EFCAB8: variants seen among roughly 807,000 people sequenced by gnomAD.
EFCAB8 encodes the protein EF-hand calcium-binding domain-containing protein 8.
Under a neutral mutation model 116.3 loss-of-function variants are expected in EFCAB8, and 100 were observed. The observed-to-expected ratio is 0.86, with a 90% CI of 0.73 to 1.02. EFCAB8 has a LOEUF of 1.02. EFCAB8 is among the 50% of genes least tolerant of loss of function. EFCAB8 has a pLI of 0.00. For synonymous variants in EFCAB8, 558 were observed against 567.9 expected (o/e 0.98, Z 0.25); for missense variants, 1,320 against 1,416.9 (o/e 0.93, Z 1.10).
chr20:32,917,284 T>C lies in EFCAB8; in HGVS notation c.1857-17T>C, dbSNP rs1376899969. On this transcript the variant is annotated splice_polypyrimidine_tract_variant and intron_variant, in intron 17 of 26. Transcript: ENST00000400522. ...AGGCTGAGCTCTCAGCCCTCCTGCC[T>C]CTGGCCATATGCACAGGTTCCACAA... 6.5e-7 allele frequency: 1 copy of C among 1,542,000 alleles called. No individual in the cohort carries two copies. Among genetic ancestry groups the C allele is most frequent in the South Asian group, 1.2e-5 (1 of 83,684 alleles).
chr20:32,904,603 C>CTTTT (rs35810642), intron 11 of EFCAB8, among the ~76,000 whole-genome samples: 1 of 96,334 alleles, frequency 1.0e-5, no homozygotes, highest in Non-Finnish European at 2.1e-5. Context: ...CTGAATGGAG[C>CTTTT]TTTTTTTTTT....
chr20:32,875,502 G>GTTTTTTTTTTTTTTTT lies in EFCAB8; in HGVS notation c.209-421_209-406dup, dbSNP rs57620114. Among the ~76,000 whole-genome samples, 64 of 89,862 alleles carry GTTTTTTTTTTTTTTTT rather than the reference G, an allele frequency of 7.1e-4. 6 individuals carry two copies. The highest frequency in any genetic ancestry group is 4.7e-4 in the Non-Finnish European group (18 of 38,706). The allele number at this position is 89,862 out of a possible 152,430, so 59.0% of individuals were successfully genotyped here. A position where few individuals can be genotyped will look rare whatever the true frequency, so the allele number is the denominator to read the frequency against. Reference sequence around the variant, plus strand: ...CTGAGCACACCTGGTAAACATGGTGGTTTTTTTTTTTTTTTTTTGAGACAG... The same window carrying GTTTTTTTTTTTTTTTT: ...CTGAGCACACCTGGTAAACATGGTGGTTTTTTTTTTTTTTTTTTTTTTTTTTTTTTTTTTGAGACAG... On this transcript the variant is annotated intron_variant, in intron 3 of 26. Transcript: ENST00000400522.
chr20:32,870,928 G>A (rs187517464), intron 3 of EFCAB8, among the ~76,000 whole-genome samples: 34 of 150,382 alleles, frequency 2.3e-4, no homozygotes, highest in Admixed American at 6.0e-4. Context: ...GTGCGATCTC[G>A]GCTCACTGCA....
At chr20:32,909,119 C>T (rs900549148) in intron 14 of EFCAB8, among the ~76,000 whole-genome samples, 9 of 152,210 alleles carry the variant, frequency 5.9e-5, no homozygotes, top group African/African-American at 2.2e-4. Flanking sequence ...CCACCAAGGC[C>T]TCCCACGCTC....
chr20:32,883,822 C>G (rs1014402920), intron 5 of EFCAB8, among the ~76,000 whole-genome samples: 6 of 152,108 alleles, frequency 3.9e-5, no homozygotes, highest in African/African-American at 1.4e-4. Flanking sequence ...TCCTGAGTAG[C>G]TGGGACTACA....
rs919642770 is a variant in EFCAB8, at chr20:32,961,593, C to T, written c.3851C>T (p.Ser1284Phe). The T allele has an allele frequency of 7.4e-7, 1 of 1,344,344 alleles. No homozygotes were observed. The allele number at this position is 1,344,344 out of a possible 1,614,324, so 83.3% of individuals were successfully genotyped here. Residue 1284 changes from serine to phenylalanine, a missense_variant, in exon 27 of 27, where the codon TCC becomes TTC. Ser to Phe is a radical substitution (Grantham distance 155). Transcript: ENST00000400522. ...ATFMSSVKGS[S>F]HVRF is the part of the protein sequence containing the mutation. Reference sequence around the variant, plus strand: ...TTCATGTCCTCTGTGAAGGGGAGCTCCCATGTCAGGTTCTGAGGTGCTCCG... The same window carrying T: ...TTCATGTCCTCTGTGAAGGGGAGCTTCCATGTCAGGTTCTGAGGTGCTCCG...
intron 18 of EFCAB8, 24 bp downstream of exon 18, chr20:32,917,529 C>A (rs1282176874): frequency 6.5e-7 from 1 of 1,548,396 alleles, no homozygotes; most frequent in South Asian, 1.2e-5. Context: ...AGCACACTCT[C>A]CTCCCACCCT....
At chr20:32,947,175 A>G (rs7271442) in intron 23 of EFCAB8, among the ~76,000 whole-genome samples, 38,966 of 152,122 alleles carry the variant, frequency 0.26, 5,373 homozygotes, top group Middle Eastern at 0.36. Flanking sequence ...TTTATGAAAA[A>G]TGACCAAACT....
At chr20:32,940,677 G>A (rs555716692) in intron 22 of EFCAB8, among the ~76,000 whole-genome samples, 15 of 149,976 alleles carry the variant, frequency 1.0e-4, no homozygotes, top group Admixed American at 9.3e-4. Flanking sequence ...TATCTGATAA[G>A]GGACTAGTAT....
At chr20:32,920,564 T>A (rs1453568902) in intron 20 of EFCAB8, among the ~76,000 whole-genome samples, 1 of 151,614 alleles carries the variant, frequency 6.6e-6, no homozygotes, top group Non-Finnish European at 1.5e-5. Flanking sequence ...CAAGAGAAAA[T>A]GAGAAGCAGC....
intron 7 of EFCAB8, among the ~76,000 whole-genome samples, chr20:32,890,947 G>A (rs1985880448): frequency 2.0e-5 from 3 of 152,224 alleles, no homozygotes; most frequent in African/African-American, 7.2e-5. Flanking sequence ...GCTAAATTGT[G>A]TGATACAGAG....
At chr20:32,943,382 G>C (rs1252404957) in intron 22 of EFCAB8, among the ~76,000 whole-genome samples, 6 of 152,238 alleles carry the variant, frequency 3.9e-5, no homozygotes, top group Non-Finnish European at 8.8e-5. Context: ...TATGTAGTCA[G>C]CTTGGTGAAT....
At chr20:32,949,100 GAGTT>G (rs1475865622) in intron 23 of EFCAB8, among the ~76,000 whole-genome samples, 1 of 152,134 alleles carries the variant, frequency 6.6e-6, no homozygotes, top group African/African-American at 2.4e-5. Flanking sequence ...TTACTAAAAA[GAGTT>G]AGTAAGGAGT....
intron 2 of EFCAB8, among the ~76,000 whole-genome samples, chr20:32,867,210 A>C (rs1905105286): frequency 6.6e-6 from 1 of 152,198 alleles, no homozygotes; most frequent in Non-Finnish European, 1.5e-5. Flanking sequence ...ATGAGCCACC[A>C]TGCCCAGCCC....
intron 5 of EFCAB8, among the ~76,000 whole-genome samples, 190 bp from the exon 6 acceptor site, chr20:32,885,315 T>G (rs1481004868): frequency 6.6e-6 from 1 of 152,196 alleles, no homozygotes; most frequent in Non-Finnish European, 1.5e-5. Context: ...TTTTGGCCAC[T>G]GTTGATGATC....
chr20:32,896,446 C>A lies in EFCAB8; in HGVS notation c.884-8C>A, dbSNP rs945673093. Reference sequence around the variant, plus strand: ...GCTGATGTGGACCTTGGTTTTTTCCCCTATCAGATCACTGGATCAAAGTTT... The same window carrying A: ...GCTGATGTGGACCTTGGTTTTTTCCACTATCAGATCACTGGATCAAAGTTT... On this transcript the variant is annotated splice_polypyrimidine_tract_variant and splice_region_variant and intron_variant, in intron 9 of 26. Transcript: ENST00000400522. The A allele has an allele frequency of 1.4e-6, 1 of 718,468 alleles. No individual in the cohort carries two copies. Among genetic ancestry groups the A allele is most frequent in the African/African-American group, 1.7e-5 (1 of 57,206 alleles). The allele number at this position is 718,468 out of a possible 1,614,324, so 44.5% of individuals were successfully genotyped here.
At chr20:32,892,135 C>T in intron 7 of EFCAB8, 78 bp from the exon 8 acceptor site, 1 of 1,255,896 alleles carries the variant, frequency 8.0e-7, no homozygotes, top group East Asian at 2.5e-5. Flanking sequence ...CTTGGGATAG[C>T]AATGAGGCTG....
At chr20:32,866,724 T>TCTTC (rs147496701) in intron 2 of EFCAB8, among the ~76,000 whole-genome samples, 64 of 151,080 alleles carry the variant, frequency 4.2e-4, no homozygotes, top group East Asian at 3.5e-3. Context: ...CCTGGGGTTT[T>TCTTC]CTTCCTTCCT....
At chr20:32,947,357 CA>C (rs1284468286) in intron 23 of EFCAB8, among the ~76,000 whole-genome samples, 1 of 152,086 alleles carries the variant, frequency 6.6e-6, no homozygotes, top group Non-Finnish European at 1.5e-5. Flanking sequence ...CACTATCAAA[CA>C]ATTTTACTTA....
Sources: gnomAD v4.1 joint callset for allele counts (sites outside exome capture counted in the v4.1 genomes callset) on GRCh38, gnomAD v4.1.1 for gene constraint, MANE v1.5 for transcripts, NCBI Gene and HGNC (gene_info 2026-07-23, HGNC 2026-07-21) for gene names.